The following PRRT4 variants were observed in gnomAD, a reference collection of about 807,000 sequenced individuals.
PRRT4 encodes the protein proline-rich transmembrane protein 4.
A neutral mutation model predicts 55.6 loss-of-function variants in PRRT4; 59 were observed. The observed-to-expected ratio is 1.06, with a 90% CI of 0.86 to 1.32. The LOEUF (loss-of-function observed/expected upper bound fraction) is 1.32. PRRT4 is among the 40% of genes most tolerant of loss of function. PRRT4 has a pLI of 0.00. For missense variants in PRRT4, 1,217 were observed against 1,222.0 expected (o/e 1.00, Z 0.06); for synonymous variants, 606 against 601.8 (o/e 1.01, Z -0.10).
In PRRT4 at chr7:128,358,546, CG is replaced by C; in HGVS notation, c.877+134del. 1 of 811,094 alleles carries C rather than the reference CG, an allele frequency of 1.2e-6. No homozygotes were observed. Among genetic ancestry groups the C allele is most frequent in the Non-Finnish European group, 2.0e-6 (1 of 508,188 alleles). The allele number at this position is 811,094 out of a possible 1,614,324, so 50.2% of individuals were successfully genotyped here. On this transcript the variant is annotated intron_variant, in intron 4 of 4. Transcript: ENST00000535159. This position sits in a 1 kb window ranked among gnomAD's most constrained non-coding sequence, Gnocchi z 4.4. Reference sequence around the variant, plus strand: ...CTCAGACCATTCATATATATCTCCACGGTGATGATGAAGAGAATGATGATTA... The same window carrying C: ...CTCAGACCATTCATATATATCTCCACGTGATGATGAAGAGAATGATGATTA...
intron 1 of PRRT4, among the ~76,000 whole-genome samples, 199 bp downstream of exon 2, chr7:128,361,099 TCTCTCACA>T (rs1274534210): frequency 7.2e-4 from 92 of 127,524 alleles, no homozygotes; most frequent in African/African-American, 2.2e-3. Flanking sequence ...TCTCTCTCTC[TCTCTCACA>T]CACACACACA....
chr7:128,352,040 C>T, exon 5 of PRRT4: 1 of 1,294,662 alleles, frequency 7.7e-7, no homozygotes, highest in Non-Finnish European at 9.8e-7. Flanking sequence ...AGGAAAGCGG[C>T]GAGAAAGGCG....
At position 128,358,710 on chromosome 7, in the gene PRRT4, CTT is replaced by C; in HGVS notation, c.846_847del (p.Ser283PhefsTer20). ...TGATGTTGTTGCAATCGAGGCAAAA[CTT>C]AGGGAAGCAGCTGGGTCCAGAGGAC... On this transcript the variant is annotated frameshift_variant, in exon 4 of 5. Coordinates refer to ENST00000535159, the Ensembl canonical transcript of PRRT4. LOFTEE classifies it high-confidence loss of function. The surrounding 1 kb of genome is among the most constrained non-coding windows in gnomAD (Gnocchi z 4.4). 2.6e-6 allele frequency: 4 copies of C among 1,551,706 alleles called. No homozygotes were observed. The highest frequency in any genetic ancestry group is 3.5e-6 in the Non-Finnish European group (4 of 1,146,992).
At chr7:128,352,080 C>T in exon 5 of PRRT4, 1 of 1,178,870 alleles carries the variant, frequency 8.5e-7, no homozygotes, top group Non-Finnish European at 1.0e-6. Flanking sequence ...GCCGCAGGGG[C>T]CGCAGCGGGC....
exon 5 of PRRT4, chr7:128,351,446 G>T (rs1311790383): frequency 2.0e-6 from 3 of 1,524,828 alleles, no homozygotes; most frequent in Non-Finnish European, 2.6e-6. Context: ...GACGGGGCCG[G>T]GTTGGCCGCC....
intron 4 of PRRT4, among the ~76,000 whole-genome samples, chr7:128,355,487 C>T (rs566430948): frequency 2.0e-5 from 3 of 152,286 alleles, no homozygotes; most frequent in South Asian, 2.1e-4. Flanking sequence ...TGAGCCACCG[C>T]GCCCGGCCAA....
At chr7:128,353,300 C>G (rs540062298) in intron 4 of PRRT4, among the ~76,000 whole-genome samples, 1 of 152,192 alleles carries the variant, frequency 6.6e-6, no homozygotes. Flanking sequence ...ATTCCAAAGC[C>G]TCGTTCTAAC....
At chr7:128,354,424 C>A (rs1180590030) in intron 4 of PRRT4, among the ~76,000 whole-genome samples, 1 of 152,106 alleles carries the variant, frequency 6.6e-6, no homozygotes, top group African/African-American at 2.4e-5. Flanking sequence ...ATTAGCCAGG[C>A]GTGGTGGCAC....
chr7:128,351,989 G>A (rs774037066), exon 5 of PRRT4: 5 of 1,304,672 alleles, frequency 3.8e-6, no homozygotes, highest in Admixed American at 3.4e-5. Context: ...GCCCGCCGCC[G>A]CCGCCCGCCC....
At position 128,352,124 on chromosome 7, in the gene PRRT4, C is replaced by G. The variant is rs575653936; in HGVS notation, c.1432G>C (p.Ala478Pro). Reference sequence around the variant, plus strand: ...GCGCTCCCGAGGGCGGCGGCGGCCGCCAGCCCCAGCCCCAGGAGCAGCAGC... The same window carrying G: ...GCGCTCCCGAGGGCGGCGGCGGCCGGCAGCCCCAGCCCCAGGAGCAGCAGC... The change falls in exon 5 of 5, where the codon GCG becomes CCG. Residue 478 changes from alanine to proline, a missense_variant. Ala to Pro is a conservative substitution (Grantham distance 27). Around this residue, in one of 3 missense-constraint regions of PRRT4, gnomAD observed 642 missense variants for 600.9 expected, o/e 1.07. Coordinates refer to ENST00000535159, the Ensembl canonical transcript of PRRT4. The G allele has an allele frequency of 1.2e-3, 1,367 of 1,186,568 alleles. 10 individuals carry two copies. The African/African-American group carries it at 0.018, about 15-fold the overall frequency. 73.5% of individuals were successfully genotyped at this position (1,186,568 alleles called of 1,614,324 possible).
At chr7:128,357,236 ACTCTCT>A (rs60699919) in intron 4 of PRRT4, among the ~76,000 whole-genome samples, 3,780 of 140,796 alleles carry the variant, frequency 0.027, 122 homozygotes, top group African/African-American at 0.068. Flanking sequence ...ACACACACAC[ACTCTCT>A]CTCTCTCTCT....
At chr7:128,352,077 G>C in exon 5 of PRRT4, 1 of 1,179,386 alleles carries the variant, frequency 8.5e-7, no homozygotes, top group Non-Finnish European at 1.0e-6. Context: ...CGAGCCGCAG[G>C]GGCCGCAGCG....
At chr7:128,356,741 T>G (rs945729085) in intron 4 of PRRT4, among the ~76,000 whole-genome samples, 1 of 152,204 alleles carries the variant, frequency 6.6e-6, no homozygotes, top group African/African-American at 2.4e-5. Flanking sequence ...AAGTCAGGCC[T>G]GATTATCCAC....
At chr7:128,359,205 C>A in exon 3 of PRRT4, 9 of 1,551,730 alleles carry the variant, frequency 5.8e-6, no homozygotes, top group Non-Finnish European at 7.8e-6. Flanking sequence ...ACCTGGGGGG[C>A]TCAGGCCGGA....
intron 4 of PRRT4, among the ~76,000 whole-genome samples, chr7:128,354,627 C>G (rs549490320): frequency 2.7e-5 from 4 of 150,910 alleles, no homozygotes; most frequent in Non-Finnish European, 5.9e-5. Flanking sequence ...ATAATAAATG[C>G]GTAAAAGATA....
chr7:128,352,806 A>T (rs1345670012), intron 4 of PRRT4, 128 bp from the exon 6 acceptor site: 10 of 888,962 alleles, frequency 1.1e-5, no homozygotes, highest in African/African-American at 1.7e-5. Context: ...TACATATGAG[A>T]CTCACCCCAC....
chr7:128,359,014 G>A, intron 3 of PRRT4, 135 bp downstream of exon 4: 2 of 1,200,356 alleles, frequency 1.7e-6, no homozygotes, highest in East Asian at 2.5e-5. Flanking sequence ...TTCCGTGGAA[G>A]TAGTAGCCCA....
In PRRT4 at chr7:128,351,226, G is replaced by C; in HGVS notation, c.2330C>G (p.Ser777Ter). The stretch of plus-strand genomic sequence containing the variant: ...CGCAGCGGGGCCAGAGGCCTCCCCT[G>C]ATCTCTCACTGGCCCTGCCCCCGGT... Residue 777 changes from serine (S) to a stop codon, truncating the protein, a stop_gained, in exon 5 of 5, where the codon TCA becomes TGA. Coordinates refer to ENST00000535159, the Ensembl canonical transcript of PRRT4. LOFTEE classifies it high-confidence loss of function. The C allele has an allele frequency of 1.9e-6, 3 of 1,540,040 alleles. No homozygotes were observed. Among genetic ancestry groups the C allele is most frequent in the Non-Finnish European group, 2.6e-6 (3 of 1,146,610 alleles).
intron 4 of PRRT4, among the ~76,000 whole-genome samples, chr7:128,357,928 A>T (rs974081177): frequency 4.6e-5 from 7 of 152,204 alleles, no homozygotes; most frequent in African/African-American, 1.7e-4. Flanking sequence ...TTTGGGATGC[A>T]GTGGGGGACA....
Sources: allele counts gnomAD v4.1 joint callset (sites outside exome capture counted in the v4.1 genomes callset), GRCh38; gene constraint gnomAD v4.1.1; regional missense constraint gnomAD v4.1.1; non-coding constraint Gnocchi (gnomAD v3.1); transcripts MANE v1.5; gene names NCBI Gene and HGNC (gene_info 2026-07-23, HGNC 2026-07-21).